SLC4A10: variants seen among roughly 807,000 people sequenced by gnomAD.
SLC4A10 encodes the protein sodium-driven chloride bicarbonate exchanger.
In SLC4A10, 42 loss-of-function variants were observed where a neutral mutation model predicts 137.7. The ratio of observed to expected loss-of-function variants is 0.30; its 90% CI spans 0.24 to 0.39. The LOEUF is 0.39. Among genes scored for constraint, SLC4A10 ranks in the 10% least tolerant of loss-of-function variants. The pLI is 1.00. For missense variants in SLC4A10, 925 were observed against 1,355.0 expected, an observed-to-expected ratio of 0.68 and a Z score of 4.98; for synonymous variants, 474 against 464.1, an observed-to-expected ratio of 1.02 and a Z score of -0.27.
intron 1 of SLC4A10, among the ~76,000 whole-genome samples, chr2:161,742,424 T>C (rs2047988161): frequency 8.7e-6 from 1 of 114,904 alleles, no homozygotes; most frequent in African/African-American, 3.8e-5. Context: ...TTTTCTTTTC[T>C]TTCTTTCTTT....
chr2:161,785,359 C>T (rs2053505126), intron 2 of SLC4A10, among the ~76,000 whole-genome samples: 1 of 151,398 alleles, frequency 6.6e-6, no homozygotes. Flanking sequence ...GAAATACCTC[C>T]AAACTCATTG....
chr2:161,906,640 G>A (rs988489147), intron 15 of SLC4A10, among the ~76,000 whole-genome samples: 2 of 152,020 alleles, frequency 1.3e-5, no homozygotes, highest in African/African-American at 4.8e-5. Context: ...TGTTCTTTAG[G>A]AGACAGTTAT....
intron 21 of SLC4A10, among the ~76,000 whole-genome samples, chr2:161,960,698 C>T (rs994163116): frequency 7.5e-5 from 11 of 147,006 alleles, no homozygotes; most frequent in East Asian, 2.0e-4. Flanking sequence ...CCAGCCTGGA[C>T]GACAGAGGGA....
At chr2:161,828,805 TATATG>T (rs2058219889) in intron 3 of SLC4A10, among the ~76,000 whole-genome samples, 4 of 121,190 alleles carry the variant, frequency 3.3e-5, no homozygotes, top group African/African-American at 1.2e-4. Context: ...TATATATATA[TATATG>T]TATAATCTAC....
At chr2:161,967,406 T>C (rs1290358039) in intron 23 of SLC4A10, among the ~76,000 whole-genome samples, 1 of 152,172 alleles carries the variant, frequency 6.6e-6, no homozygotes, top group Non-Finnish European at 1.5e-5. Flanking sequence ...AATAAATGAA[T>C]ACAAATGACT....
chr2:161,715,704 G>A (rs987772285), intron 1 of SLC4A10, among the ~76,000 whole-genome samples: 2 of 152,188 alleles, frequency 1.3e-5, no homozygotes, highest in South Asian at 4.2e-4. Context: ...GTATTCCAGG[G>A]TGTCTATGTA....
At chr2:161,788,395 G>C (rs990279305) in intron 2 of SLC4A10, among the ~76,000 whole-genome samples, 1 of 151,982 alleles carries the variant, frequency 6.6e-6, no homozygotes, top group Admixed American at 6.6e-5. Context: ...GTGCTTAAGA[G>C]TAAGAATCCA....
intron 26 of SLC4A10, among the ~76,000 whole-genome samples, chr2:161,981,077 T>C (rs1456088380): frequency 6.6e-6 from 1 of 152,222 alleles, no homozygotes; most frequent in African/African-American, 2.4e-5. Flanking sequence ...AACCCAGACA[T>C]TTAATAGGTT....
intron 16 of SLC4A10, among the ~76,000 whole-genome samples, chr2:161,944,060 T>C (rs1693247503): frequency 6.6e-6 from 1 of 151,940 alleles, no homozygotes; most frequent in Non-Finnish European, 1.5e-5. Context: ...CAGTTACTCT[T>C]ATTGTTTTCT....
At chr2:161,686,099 T>A (rs1424417162) in intron 1 of SLC4A10, among the ~76,000 whole-genome samples, 1 of 152,140 alleles carries the variant, frequency 6.6e-6, no homozygotes, top group Non-Finnish European at 1.5e-5. Context: ...CCAGGGGAGT[T>A]TATTGAAAAT....
chr2:161,950,905 G>A (rs1348220358), intron 19 of SLC4A10, 57 bp downstream of exon 19: 1 of 1,364,496 alleles, frequency 7.3e-7, no homozygotes, highest in Non-Finnish European at 1.0e-6. Context: ...ATCAACTGAT[G>A]TTCATTTGAC....
intron 3 of SLC4A10, 97 bp downstream of exon 3, chr2:161,804,692 GT>G: frequency 8.7e-7 from 1 of 1,143,106 alleles, no homozygotes; most frequent in Non-Finnish European, 1.2e-6. Context: ...TCATAAAATT[GT>G]TTATACTTTT....
intron 1 of SLC4A10, among the ~76,000 whole-genome samples, chr2:161,653,174 A>G (rs556681133): frequency 3.7e-4 from 56 of 152,314 alleles, no homozygotes; most frequent in Non-Finnish European, 7.6e-4. Flanking sequence ...CGCAAAGGAC[A>G]TGAACTCATC....
chr2:161,950,627 A>G, intron 18 of SLC4A10, 60 bp from the exon 19 acceptor site: 1 of 1,510,224 alleles, frequency 6.6e-7, no homozygotes. Context: ...TGTAAGACCT[A>G]ATTTGATCAA....
chr2:161,839,400 T>C (rs2059032872), intron 3 of SLC4A10, among the ~76,000 whole-genome samples: 2 of 152,152 alleles, frequency 1.3e-5, no homozygotes, highest in Admixed American at 6.5e-5. Flanking sequence ...AATTTTATCA[T>C]GATCTACTCT....
chr2:161,871,219 T>G (rs2061097019), intron 6 of SLC4A10, among the ~76,000 whole-genome samples: 2 of 151,760 alleles, frequency 1.3e-5, no homozygotes, highest in Admixed American at 1.3e-4. Context: ...TGATTAGAGA[T>G]GACACTAAAG....
At chr2:161,795,992 C>T (rs1348601150) in intron 2 of SLC4A10, among the ~76,000 whole-genome samples, 1 of 152,196 alleles carries the variant, frequency 6.6e-6, no homozygotes, top group East Asian at 1.9e-4. Flanking sequence ...TTGTTCCTAT[C>T]AACATTGATC....
intron 2 of SLC4A10, among the ~76,000 whole-genome samples, chr2:161,784,494 T>G (rs942699293): frequency 6.6e-6 from 1 of 151,888 alleles, no homozygotes; most frequent in Non-Finnish European, 1.5e-5. Context: ...GATCACATAT[T>G]AAGCTGAAAA....
At chr2:161,639,575 C>T (rs977772991) in intron 1 of SLC4A10, among the ~76,000 whole-genome samples, 3 of 152,076 alleles carry the variant, frequency 2.0e-5, no homozygotes, top group Non-Finnish European at 4.4e-5. Context: ...TTTAATATCC[C>T]TTTGTGATAA....
Sources: allele counts gnomAD v4.1 joint callset (sites outside exome capture counted in the v4.1 genomes callset), GRCh38; gene constraint gnomAD v4.1.1; transcripts MANE v1.5; gene names NCBI Gene and HGNC (gene_info 2026-07-23, HGNC 2026-07-21).